FARS2: variants seen among roughly 807,000 people sequenced by gnomAD.
FARS2 encodes phenylalanyl-tRNA synthetase 2, mitochondrial, also known as phenylalanine--tRNA ligase, mitochondrial.
A neutral mutation model predicts 46.4 loss-of-function variants in FARS2; 40 were observed. The observed-to-expected ratio is 0.86, with a 90% CI of 0.67 to 1.12. FARS2 has a LOEUF of 1.12. FARS2 is among the 50% of genes most tolerant of loss of function. The pLI is 0.00. For missense variants in FARS2, 513 were observed against 567.9 expected (o/e 0.90, Z 0.98); for synonymous variants, 234 against 214.9 (o/e 1.09, Z -0.78).
At chr6:5,711,522 C>G (rs1416793840) in intron 6 of FARS2, among the ~76,000 whole-genome samples, 1 of 152,170 alleles carries the variant, frequency 6.6e-6, no homozygotes, top group Admixed American at 6.5e-5. Flanking sequence ...CCAAGGCCAA[C>G]GTCAAGAGTG....
intron 4 of FARS2, among the ~76,000 whole-genome samples, chr6:5,536,998 T>C (rs537989332): frequency 5.7e-4 from 87 of 152,300 alleles, no homozygotes; most frequent in African/African-American, 2.1e-3. Flanking sequence ...ATTACTCACC[T>C]TCTAGCGTTG....
intron 5 of FARS2, among the ~76,000 whole-genome samples, chr6:5,580,017 C>T (rs1359549399): frequency 1.3e-5 from 2 of 151,826 alleles, no homozygotes; most frequent in African/African-American, 2.4e-5. Context: ...GTAGGCCGGG[C>T]GCAGTGGCTC....
chr6:5,384,195 C>T (rs1180818361), intron 2 of FARS2, among the ~76,000 whole-genome samples: 2 of 152,162 alleles, frequency 1.3e-5, no homozygotes, highest in Non-Finnish European at 2.9e-5. Context: ...ATTGAAATTT[C>T]TGATTCTCTG....
At chr6:5,514,203 A>G (rs1385416308) in intron 4 of FARS2, among the ~76,000 whole-genome samples, 1 of 152,130 alleles carries the variant, frequency 6.6e-6, no homozygotes. Context: ...AAACCCTTAA[A>G]TGAAGCATAA....
In FARS2 at chr6:5,644,369, C is replaced by T. The variant is rs189838102; in HGVS notation, c.1217+31049C>T. 2.8e-3 allele frequency among the ~76,000 whole-genome samples: 432 copies of T among 152,238 alleles called. 2 individuals carry two copies. The highest frequency in any genetic ancestry group is 9.2e-3 in the African/African-American group (384 of 41,542). The stretch of plus-strand genomic sequence containing the variant: ...CTGAGACTACAGGTGCGCACCACCA[C>T]GCCTGGCTATTTTTTCTTTTGCATT... On this transcript the variant is annotated intron_variant, in intron 6 of 6. Coordinates refer to ENST00000274680, the MANE Select transcript of FARS2 (RefSeq NM_006567.5).
intron 5 of FARS2, among the ~76,000 whole-genome samples, chr6:5,600,270 A>C (rs925075665): frequency 6.6e-6 from 1 of 152,234 alleles, no homozygotes; most frequent in African/African-American, 2.4e-5. Context: ...AGTTAGGTAC[A>C]AATATGGGAA....
intron 5 of FARS2, among the ~76,000 whole-genome samples, chr6:5,591,020 A>G (rs951664824): frequency 6.7e-6 from 1 of 149,754 alleles, no homozygotes; most frequent in African/African-American, 2.4e-5. Context: ...TCACATATAA[A>G]AAACACACAG....
chr6:5,376,511 G>A (rs1759391791), intron 2 of FARS2, among the ~76,000 whole-genome samples: 1 of 152,068 alleles, frequency 6.6e-6, no homozygotes, highest in Admixed American at 6.5e-5. Context: ...ATGTGATTTG[G>A]CATTTTTTTC....
At chr6:5,658,267 A>G (rs536413812) in intron 6 of FARS2, among the ~76,000 whole-genome samples, 1 of 152,292 alleles carries the variant, frequency 6.6e-6, no homozygotes, top group East Asian at 1.9e-4. Flanking sequence ...AAAAAAAAAA[A>G]AAAAAGAGAA....
chr6:5,515,613 G>A (rs1217415368), intron 4 of FARS2, among the ~76,000 whole-genome samples: 1 of 152,076 alleles, frequency 6.6e-6, no homozygotes, highest in Non-Finnish European at 1.5e-5. Flanking sequence ...ATTTTTAGTA[G>A]AGAGGGGGTT....
At chr6:5,502,007 CCAATACCTCCT>C (rs1767830069) in intron 4 of FARS2, among the ~76,000 whole-genome samples, 1 of 152,186 alleles carries the variant, frequency 6.6e-6, no homozygotes, top group Non-Finnish European at 1.5e-5. Context: ...TGCAGCTGAG[CCAATACCTCCT>C]TGAATGAAGC....
At chr6:5,748,663 G>GAC (rs1349730172) in intron 6 of FARS2, among the ~76,000 whole-genome samples, 1 of 152,224 alleles carries the variant, frequency 6.6e-6, no homozygotes, top group Admixed American at 6.5e-5. Flanking sequence ...CTCGTTCAAA[G>GAC]ACACACTACT....
chr6:5,505,156 A>G (rs572911204), intron 4 of FARS2, among the ~76,000 whole-genome samples: 2 of 152,324 alleles, frequency 1.3e-5, no homozygotes, highest in Non-Finnish European at 2.9e-5. Flanking sequence ...GATAAATTAT[A>G]TGGCTATTTT....
At chr6:5,655,692 C>T (rs1777575155) in intron 6 of FARS2, among the ~76,000 whole-genome samples, 2 of 152,322 alleles carry the variant, frequency 1.3e-5, no homozygotes, top group South Asian at 2.1e-4. Context: ...CACATCTCCC[C>T]ATTTCGTGAT....
chr6:5,759,175 G>A (rs529804274), intron 6 of FARS2, among the ~76,000 whole-genome samples: 5 of 152,202 alleles, frequency 3.3e-5, no homozygotes, highest in Non-Finnish European at 5.9e-5. Flanking sequence ...GCCTTGATAT[G>A]TGCCATCCCC....
intron 6 of FARS2, among the ~76,000 whole-genome samples, chr6:5,689,283 G>A (rs1309773747): frequency 6.6e-6 from 1 of 152,038 alleles, no homozygotes; most frequent in Non-Finnish European, 1.5e-5. Context: ...TCTTTTAATT[G>A]TGATGTTAGG....
intron 1 of FARS2, among the ~76,000 whole-genome samples, chr6:5,276,010 A>G (rs1196609258): frequency 1.3e-5 from 2 of 152,210 alleles, no homozygotes; most frequent in South Asian, 4.1e-4. Context: ...CATGGAAATG[A>G]CTATCATTTT....
intron 2 of FARS2, among the ~76,000 whole-genome samples, chr6:5,379,310 G>T (rs1759599645): frequency 6.6e-6 from 1 of 152,146 alleles, no homozygotes; most frequent in Non-Finnish European, 1.5e-5. Context: ...GTCTAGTTGG[G>T]TATTCTCAGC....
intron 3 of FARS2, among the ~76,000 whole-genome samples, chr6:5,405,355 A>T (rs1761506013): frequency 6.6e-6 from 1 of 152,114 alleles, no homozygotes; most frequent in South Asian, 2.1e-4. Flanking sequence ...AAAAATGATT[A>T]TAACGTTTGC....
Sources: gnomAD v4.1 joint callset for allele counts (sites outside exome capture counted in the v4.1 genomes callset) on GRCh38, gnomAD v4.1.1 for gene constraint, MANE v1.5 for transcripts, NCBI Gene and HGNC (gene_info 2026-07-23, HGNC 2026-07-21) for gene names.